DGKB: variants seen among roughly 807,000 people sequenced by gnomAD.
The protein encoded by DGKB is diacylglycerol kinase beta.
In DGKB, 67 loss-of-function variants were observed where a neutral mutation model predicts 114.3. The observed-to-expected ratio is 0.59, with a 90% confidence interval of 0.48 to 0.72. The LOEUF (loss-of-function observed/expected upper bound fraction) is 0.72. Among genes scored for constraint, DGKB ranks in the 30% least tolerant of loss-of-function variants. The pLI is 0.00. For synonymous variants in DGKB, 398 were observed against 323.1 expected, an observed-to-expected ratio of 1.23 and a Z score of -2.49; for missense variants, 907 against 975.2, an observed-to-expected ratio of 0.93 and a Z score of 0.93.
chr7:14,214,622 A>T (rs979660239), intron 23 of DGKB, among the ~76,000 whole-genome samples: 1 of 152,136 alleles, frequency 6.6e-6, no homozygotes, highest in Non-Finnish European at 1.5e-5. Flanking sequence ...TAGAAAAAAT[A>T]ATCTTAAAAA....
intron 4 of DGKB, among the ~76,000 whole-genome samples, chr7:14,753,096 T>C (rs1338700941): frequency 6.6e-6 from 1 of 152,206 alleles, no homozygotes; most frequent in Non-Finnish European, 1.5e-5. Flanking sequence ...AGTATCATTC[T>C]GATGTTATAA....
rs972728281 is a variant in DGKB at position 14,162,199 on chromosome 7, G to A, written c.2305-12961C>T. 5.3e-5 allele frequency among the ~76,000 whole-genome samples: 8 copies of A among 152,156 alleles called. No homozygotes were observed. In the East Asian group the frequency reaches 1.3e-3, roughly 26 times the overall value. ...AAGGCAAATGTGAGAGGATAGTCAG[G>A]CCCAGACCTTGTGAGTCTATAGTCT... On this transcript the variant is annotated intron_variant, in intron 25 of 25. Coordinates refer to ENST00000402815, the MANE Select transcript of DGKB (RefSeq NM_001350709.2).
intron 1 of DGKB, among the ~76,000 whole-genome samples, chr7:14,859,295 G>A (rs1850636080): frequency 1.3e-5 from 2 of 152,104 alleles, no homozygotes; most frequent in African/African-American, 4.8e-5. Context: ...TAAAAAGGGA[G>A]GCAGAGTCAA....
At chr7:14,756,438 G>A (rs1237918700) in intron 3 of DGKB, among the ~76,000 whole-genome samples, 5 of 151,332 alleles carry the variant, frequency 3.3e-5, no homozygotes, top group African/African-American at 4.8e-5. Context: ...TTCTAATACA[G>A]AAAAAGGGAA....
intron 1 of DGKB, among the ~76,000 whole-genome samples, chr7:14,960,589 A>T (rs986049636): frequency 1.3e-5 from 2 of 152,060 alleles, no homozygotes; most frequent in African/African-American, 4.8e-5. Context: ...GTATATTGTA[A>T]TTTGAGAAAA....
At chr7:14,779,991 CTCT>C (rs1838822119) in intron 2 of DGKB, among the ~76,000 whole-genome samples, 1 of 151,834 alleles carries the variant, frequency 6.6e-6, no homozygotes, top group Non-Finnish European at 1.5e-5. Context: ...ATGGAGATTC[CTCT>C]TCTTCTATAT....
At chr7:14,253,651 T>G (rs1191010780) in intron 23 of DGKB, among the ~76,000 whole-genome samples, 3 of 152,212 alleles carry the variant, frequency 2.0e-5, no homozygotes, top group Non-Finnish European at 4.4e-5. Context: ...GCGATGTAAA[T>G]GAAATTTTAA....
At chr7:14,718,463 G>A (rs1033628163) in intron 6 of DGKB, 79 bp downstream of exon 6, 4 of 1,311,800 alleles carry the variant, frequency 3.0e-6, no homozygotes, top group East Asian at 2.5e-5. Flanking sequence ...CTATACTAAT[G>A]CAATTTTAAG....
At chr7:14,735,671 T>C (rs1188673897) in intron 5 of DGKB, among the ~76,000 whole-genome samples, 2 of 152,188 alleles carry the variant, frequency 1.3e-5, no homozygotes, top group Non-Finnish European at 2.9e-5. Context: ...ATTAGCAAAA[T>C]AGATATTAAA....
rs181143413 is a variant in DGKB at position 14,842,644 on chromosome 7, C to T, written c.-187-1194G>A. ...ATCTTTCACACTAATTTCATCCTAA[C>T]TGTCTGTCTCTCTCTGGTTACAGGC... is the stretch of plus-strand genomic sequence containing the variant. On this transcript the variant is annotated intron_variant, in intron 1 of 25. Transcript: ENST00000402815. 1.8e-4 allele frequency among the ~76,000 whole-genome samples: 28 copies of T among 152,256 alleles called. 1 individual carries two copies. In the East Asian group the frequency reaches 4.4e-3, roughly 24 times the overall value.
chr7:14,467,572 T>TA (rs745471237), intron 21 of DGKB, among the ~76,000 whole-genome samples: 13 of 152,130 alleles, frequency 8.5e-5, no homozygotes, highest in Non-Finnish European at 1.5e-4. Flanking sequence ...CATATCCCAA[T>TA]ATGAAAACAC....
At chr7:14,940,182 A>T (rs1785494611) in intron 1 of DGKB, among the ~76,000 whole-genome samples, 1 of 152,142 alleles carries the variant, frequency 6.6e-6, no homozygotes, top group Non-Finnish European at 1.5e-5. Flanking sequence ...CACTCAGCAA[A>T]TATTTAATGA....
intron 5 of DGKB, among the ~76,000 whole-genome samples, chr7:14,721,664 G>T (rs796924784): frequency 1.3e-4 from 20 of 151,986 alleles, no homozygotes; most frequent in African/African-American, 4.8e-4. Context: ...AAGAAATATG[G>T]GCATATATTC....
chr7:14,482,222 T>G (rs1263228313), intron 20 of DGKB, among the ~76,000 whole-genome samples: 1 of 151,998 alleles, frequency 6.6e-6, no homozygotes, highest in Non-Finnish European at 1.5e-5. Context: ...GCCTGGTGTA[T>G]AGAAAGCAAG....
At chr7:14,416,115 GTTGT>G (rs1298367067) in intron 21 of DGKB, among the ~76,000 whole-genome samples, 11 of 151,992 alleles carry the variant, frequency 7.2e-5, no homozygotes, top group African/African-American at 1.7e-4. Context: ...TTTTGATGGG[GTTGT>G]TTGTTTTTTT....
intron 1 of DGKB, among the ~76,000 whole-genome samples, chr7:14,853,867 C>CAAAAAAAA (rs56269565): frequency 9.6e-6 from 1 of 104,018 alleles, no homozygotes; most frequent in African/African-American, 3.5e-5. Flanking sequence ...GACTCCGTCT[C>CAAAAAAAA]AAAAAAAAAA....
At chr7:14,418,618 A>C (rs1001022184) in intron 21 of DGKB, among the ~76,000 whole-genome samples, 1 of 151,782 alleles carries the variant, frequency 6.6e-6, no homozygotes, top group African/African-American at 2.4e-5. Flanking sequence ...ACAGGCTATC[A>C]TTCTGATGCA....
intron 6 of DGKB, among the ~76,000 whole-genome samples, chr7:14,713,931 G>T (rs1454825417): frequency 6.6e-6 from 1 of 151,854 alleles, no homozygotes; most frequent in Non-Finnish European, 1.5e-5. Flanking sequence ...GTATTTTAAA[G>T]TCAAAAATAT....
At chr7:14,480,161 G>A (rs1348202939) in intron 20 of DGKB, among the ~76,000 whole-genome samples, 2 of 151,768 alleles carry the variant, frequency 1.3e-5, no homozygotes, top group Non-Finnish European at 2.9e-5. Context: ...AGAGGGGAGA[G>A]ACAGCAAAAG....
Sources: allele counts gnomAD v4.1 joint callset (sites outside exome capture counted in the v4.1 genomes callset), GRCh38; gene constraint gnomAD v4.1.1; transcripts MANE v1.5; gene names NCBI Gene and HGNC (gene_info 2026-07-23, HGNC 2026-07-21).